The following SETD2 variants were observed in gnomAD, a reference collection of about 807,000 sequenced individuals.
SETD2 encodes SET domain containing 2, histone lysine methyltransferase.
A neutral mutation model predicts 242.1 loss-of-function variants in SETD2; 31 were observed. The ratio of observed to expected loss-of-function variants is 0.13; its 90% confidence interval spans 0.10 to 0.17. SETD2 has a LOEUF of 0.17. Ranked by LOEUF, SETD2 falls within the 10% of genes least tolerant of loss-of-function variation. The probability of loss-of-function intolerance (pLI) is 1.00; values close to 1 mark genes in which losing one functional copy is unlikely to be tolerated. For missense variants in SETD2, 2,481 were observed against 3,046.3 expected (o/e 0.81, Z 4.37); for synonymous variants, 1,006 against 1,066.5 (o/e 0.94, Z 1.11).
intron 9 of SETD2, among the ~76,000 whole-genome samples, chr3:47,093,797 T>G (rs533677205): frequency 1.4e-4 from 21 of 152,210 alleles, no homozygotes; most frequent in Non-Finnish European, 2.8e-4. Flanking sequence ...ACCAACAGTG[T>G]ATGAGATCTG....
chr3:47,052,687 G>A (rs931844093), intron 15 of SETD2, among the ~76,000 whole-genome samples: 2 of 151,826 alleles, frequency 1.3e-5, no homozygotes, highest in African/African-American at 4.8e-5. Flanking sequence ...GAATGGTGGT[G>A]CACACCTGTA....
chr3:47,082,213 G>A (rs2041344834), intron 12 of SETD2, among the ~76,000 whole-genome samples: 1 of 152,150 alleles, frequency 6.6e-6, no homozygotes, highest in Non-Finnish European at 1.5e-5. Context: ...TTTTAAGATA[G>A]CTTTACAATG....
Position 47,084,192 on chromosome 3 carries a change from T to C in SETD2, c.5588A>G (p.Lys1863Arg). ...TPLNTPDPST[K>R]LSTEADTDTP... ...GTCTGTGTCAGCTTCTGTGCTCAGCTTGGTGGAAGGATCAGGTGTGTTGAG... is the reference window on the plus strand; with the variant it reads ...GTCTGTGTCAGCTTCTGTGCTCAGCCTGGTGGAAGGATCAGGTGTGTTGAG... Residue 1863 changes from lysine to arginine, a missense_variant, in exon 12 of 21, where the codon AAG (lysine) becomes AGG (arginine). Lys to Arg is a conservative substitution (Grantham distance 26). Around this residue, in one of 17 missense-constraint regions of SETD2, gnomAD observed 203 missense variants for 222.4 expected, o/e 0.91. Coordinates refer to ENST00000409792, the MANE Select transcript of SETD2 (RefSeq NM_014159.7). The C allele has an allele frequency of 1.2e-6, 2 of 1,614,126 alleles. No individual in the cohort carries two copies. Among genetic ancestry groups the C allele is most frequent in the East Asian group, 2.2e-5 (1 of 44,886 alleles).
intron 15 of SETD2, among the ~76,000 whole-genome samples, chr3:47,051,212 C>T (rs369503236): frequency 6.6e-6 from 1 of 152,050 alleles, no homozygotes; most frequent in African/African-American, 2.4e-5. Context: ...TCAGATGATC[C>T]TCCTGCCTCA....
chr3:47,051,931 T>A (rs2039862574), intron 15 of SETD2, among the ~76,000 whole-genome samples: 2 of 152,174 alleles, frequency 1.3e-5, no homozygotes, highest in Non-Finnish European at 2.9e-5. Flanking sequence ...AGTATTTGAT[T>A]CATATGGAAT....
Position 47,121,285 on chromosome 3 carries a change from A to C in SETD2, c.3351T>G (p.Phe1117Leu). 2 of 1,613,542 alleles carry C rather than the reference A, an allele frequency of 1.2e-6. No homozygotes were observed. The highest frequency in any genetic ancestry group is 1.3e-5 in the African/African-American group (1 of 75,024). The stretch of plus-strand genomic sequence containing the variant: ...GACAGGCTTTACTTGCTATACTTTC[A>C]AATTTTTCCTCATACAAATGTCTCC... ...ESRRHLYEEK[F>L]ESIASKACPQ... Residue 1117 changes from phenylalanine to leucine, a missense_variant, in exon 3 of 21, where the codon TTT becomes TTG. Phe to Leu is a conservative substitution (Grantham distance 22). Around this residue, in one of 17 missense-constraint regions of SETD2, gnomAD observed 1,300 missense variants for 1,259.2 expected, o/e 1.03. Transcript: ENST00000409792.
At chr3:47,159,394 G>A (rs1207715920) in intron 1 of SETD2, among the ~76,000 whole-genome samples, 4 of 152,012 alleles carry the variant, frequency 2.6e-5, no homozygotes, top group African/African-American at 7.2e-5. Flanking sequence ...ACTTTCTAAC[G>A]CTGAGACCAG....
At chr3:47,113,104 C>CT (rs1248044086) in intron 5 of SETD2, among the ~76,000 whole-genome samples, 1 of 88,122 alleles carries the variant, frequency 1.1e-5, no homozygotes, top group Non-Finnish European at 2.2e-5. Flanking sequence ...TTCTCTTCTA[C>CT]TCTTTTTTTT....
In SETD2 at chr3:47,029,206, A is replaced by G. The variant is rs35269760; in HGVS notation, c.7350+8460T>C. ...GCCCTCCAAGTAGCTGGGACTACAC[A>G]TGTGCACCAACATGCCTAATTTTTT... On this transcript the variant is annotated intron_variant, in intron 18 of 20. Transcript: ENST00000409792. Among the ~76,000 whole-genome samples, 5 of 151,436 alleles carry G rather than the reference A, an allele frequency of 3.3e-5. No individual in the cohort carries two copies. In the East Asian group the frequency reaches 7.8e-4, roughly 24 times the overall value.
At chr3:47,064,558 C>A in intron 13 of SETD2, 1 of 296,340 alleles carries the variant, frequency 3.4e-6, no homozygotes, top group Non-Finnish European at 7.2e-6. Flanking sequence ...ATCATACCAA[C>A]AGTTCATATT....
intron 1 of SETD2, among the ~76,000 whole-genome samples, chr3:47,127,777 C>T (rs1001774112): frequency 2.0e-5 from 3 of 152,156 alleles, no homozygotes; most frequent in Admixed American, 6.5e-5. Flanking sequence ...TCACTTGAAC[C>T]CGGGAGGTGG....
chr3:47,066,963 T>C (rs1430693298), intron 13 of SETD2, 107 bp downstream of exon 13: 2 of 741,718 alleles, frequency 2.7e-6, no homozygotes, highest in Non-Finnish European at 4.5e-6. Flanking sequence ...TAGTTATATA[T>C]TCTCTAGTTT....
At chr3:47,097,184 G>A (rs1197124751) in intron 9 of SETD2, among the ~76,000 whole-genome samples, 1 of 152,078 alleles carries the variant, frequency 6.6e-6, no homozygotes, top group Non-Finnish European at 1.5e-5. Context: ...GACTAACACC[G>A]GTAAACCCTC....
At chr3:47,072,080 G>C (rs1195000406) in intron 12 of SETD2, among the ~76,000 whole-genome samples, 2 of 151,464 alleles carry the variant, frequency 1.3e-5, no homozygotes, top group South Asian at 4.2e-4. Flanking sequence ...AGGCCGAGGC[G>C]GGCAGATCAC....
At chr3:47,054,321 T>C (rs2039967186) in intron 15 of SETD2, among the ~76,000 whole-genome samples, 1 of 152,182 alleles carries the variant, frequency 6.6e-6, no homozygotes, top group South Asian at 2.1e-4. Flanking sequence ...AAATGGATTT[T>C]ATTTTATAAG....
At position 47,016,783 on chromosome 3, in the gene SETD2, G is replaced by A; in HGVS notation, c.*310C>T. The stretch of plus-strand genomic sequence containing the variant: ...TGTGGGTGGGGATGCGCATGGGTCT[G>A]TGCGCTGACAGCACCGCCAAGGAGA... On this transcript the variant is annotated 3_prime_UTR_variant, in exon 21 of 21. Coordinates refer to ENST00000409792, the MANE Select transcript of SETD2 (RefSeq NM_014159.7). 1 of 372,018 alleles carries A rather than the reference G, an allele frequency of 2.7e-6. No individual in the cohort carries two copies. The allele number at this position is 372,018 out of a possible 1,614,324, so 23.0% of individuals were successfully genotyped here.
intron 13 of SETD2, among the ~76,000 whole-genome samples, chr3:47,066,828 A>G (rs2040577770): frequency 1.3e-5 from 2 of 152,228 alleles, no homozygotes; most frequent in South Asian, 4.1e-4. Context: ...ATAGAAAAAA[A>G]GCTAGTAAAG....
rs199772318 is a variant in SETD2, at chr3:47,057,865, A to C, written c.6294-375T>G. ...CAAGAAATAATCCAATACTCAATCC[A>C]ATTTATTGTCCCTAAATTCCACAGT... On this transcript the variant is annotated intron_variant, in intron 14 of 20. Transcript: ENST00000409792. 3.3e-5 allele frequency among the ~76,000 whole-genome samples: 5 copies of C among 152,196 alleles called. No individual in the cohort carries two copies. In the East Asian group the frequency reaches 9.6e-4, roughly 29 times the overall value.
At position 47,062,254 on chromosome 3, in the gene SETD2, G is replaced by T. The variant is rs2040365648; in HGVS notation, c.6202C>A (p.Gln2068Lys). Residue 2068 changes from glutamine (Q) to lysine (K), a missense_variant, in exon 14 of 21, where the codon CAA becomes AAA. Coordinates refer to ENST00000409792, the MANE Select transcript of SETD2 (RefSeq NM_014159.7). ...TTCCTTTTCTCTTTATTTTGAGTTT[G>T]CTTGTCTGGGTCTCTCTCTCTTGAC... The part of the protein sequence containing the change: ...NRSRERDPDK[Q>K]TQNKEKRKRR... 2 of 1,613,982 alleles carry T rather than the reference G, an allele frequency of 1.2e-6. No homozygotes were observed. The highest frequency in any genetic ancestry group is 1.7e-6 in the Non-Finnish European group (2 of 1,179,960).
Sources: gnomAD v4.1 joint callset for allele counts (sites outside exome capture counted in the v4.1 genomes callset) on GRCh38, gnomAD v4.1.1 for gene constraint, gnomAD v4.1.1 regional missense constraint, MANE v1.5 for transcripts, NCBI Gene and HGNC (gene_info 2026-07-23, HGNC 2026-07-21) for gene names.